The following CSMD1 variants were observed in gnomAD, a reference collection of about 807,000 sequenced individuals.
CSMD1 encodes the protein CUB and Sushi multiple domains 1, also known as CUB and sushi domain-containing protein 1.
CSMD1 carries 213 observed loss-of-function variants against 417.5 expected under a neutral mutation model. The ratio of observed to expected loss-of-function variants is 0.51; its 90% CI spans 0.46 to 0.57. The LOEUF (loss-of-function observed/expected upper bound fraction) is 0.57, where lower values mean the gene tolerates loss of function less well. Ranked by LOEUF, CSMD1 falls within the 20% of genes least tolerant of loss-of-function variation. The pLI, the probability that CSMD1 is intolerant of heterozygous loss-of-function variation, is 0.00. For synonymous variants in CSMD1, 2,862 were observed against 1,736.8 expected (o/e 1.65, Z -16.11); for missense variants, 6,923 against 4,529.7 (o/e 1.53, Z -15.17).
At chr8:3,266,774 TA>T (rs1198668487) in intron 26 of CSMD1, among the ~76,000 whole-genome samples, 23 of 105,850 alleles carry the variant, frequency 2.2e-4, no homozygotes, top group African/African-American at 6.9e-4. Context: ...GACACTGTCT[TA>T]AAAAAAATCA....
chr8:3,709,700 T>G lies in CSMD1; in HGVS notation c.932-1209A>C, dbSNP rs1279816902. On this transcript the variant is annotated intron_variant, in intron 6 of 69. Coordinates refer to ENST00000635120, the MANE Select transcript of CSMD1 (RefSeq NM_033225.6). ...AGCATGTTTTTTTTTTTTTTTTTTTTTTTTTTTTTCCCTGCTTTCTGCTTT... is the reference window on the plus strand; with the variant it reads ...AGCATGTTTTTTTTTTTTTTTTTTTGTTTTTTTTTCCCTGCTTTCTGCTTT... 1.2e-3 allele frequency among the ~76,000 whole-genome samples: 163 copies of G among 135,472 alleles called. 12 individuals are homozygous for G. Among genetic ancestry groups the G allele is most frequent in the African/African-American group, 4.3e-3 (156 of 36,410 alleles). The allele number at this position is 135,472 out of a possible 152,430, so 88.9% of individuals were successfully genotyped here. A position where few individuals can be genotyped will look rare whatever the true frequency, so the allele number is the denominator to read the frequency against.
At chr8:4,186,959 G>A (rs1173557109) in intron 3 of CSMD1, among the ~76,000 whole-genome samples, 1 of 152,114 alleles carries the variant, frequency 6.6e-6, no homozygotes, top group Non-Finnish European at 1.5e-5. Context: ...TCTAGCCTGG[G>A]TGACACAGCA....
intron 11 of CSMD1, among the ~76,000 whole-genome samples, chr8:3,473,580 C>T (rs544887790): frequency 6.6e-6 from 1 of 152,244 alleles, no homozygotes; most frequent in East Asian, 1.9e-4. Context: ...CCCTTTGCAA[C>T]TGGTTATCTG....
intron 2 of CSMD1, among the ~76,000 whole-genome samples, chr8:4,556,709 A>G (rs539285925): frequency 9.8e-5 from 15 of 152,354 alleles, no homozygotes; most frequent in Admixed American, 3.9e-4. Context: ...GCGGAAACAC[A>G]TTGCCACAAA....
intron 26 of CSMD1, among the ~76,000 whole-genome samples, chr8:3,253,820 C>G (rs958435223): frequency 6.6e-6 from 1 of 152,158 alleles, no homozygotes; most frequent in Non-Finnish European, 1.5e-5. Flanking sequence ...GGTCTTGACT[C>G]TTTATCCAAT....
chr8:2,954,922 G>A (rs74352231), intron 64 of CSMD1, among the ~76,000 whole-genome samples: 3,561 of 152,262 alleles, frequency 0.023, 158 homozygotes, highest in African/African-American at 0.08. Flanking sequence ...GTCACTGACT[G>A]TCTCACACGC....
chr8:4,752,105 C>T (rs1325148989), intron 1 of CSMD1, among the ~76,000 whole-genome samples: 1 of 151,886 alleles, frequency 6.6e-6, no homozygotes, highest in African/African-American at 2.4e-5. Flanking sequence ...ACATGTATCA[C>T]ATATATATAT....
At chr8:3,612,269 T>C (rs1463060849) in intron 8 of CSMD1, among the ~76,000 whole-genome samples, 1 of 152,124 alleles carries the variant, frequency 6.6e-6, no homozygotes, top group Non-Finnish European at 1.5e-5. Context: ...ATTTTAAACA[T>C]TTGCGTACCT....
Position 3,348,038 on chromosome 8 carries a change from T to C in CSMD1, c.3428A>G (p.His1143Arg). Reference sequence around the variant, plus strand: ...CAGCTGGAAGCTTCGTGTTCTAAGGTGGATGCCCTTGCCGGCTTCTGTTTC... The same window carrying C: ...CAGCTGGAAGCTTCGTGTTCTAAGGCGGATGCCCTTGCCGGCTTCTGTTTC... ...KIETEAGKGI[H>R]LRTRSFQLFE... Residue 1143 changes from histidine (H) to arginine (R), a missense_variant, in exon 22 of 70, where the codon CAC (histidine) becomes CGC (arginine). Transcript: ENST00000635120. 2 of 1,609,968 alleles carry C rather than the reference T, an allele frequency of 1.2e-6. No homozygotes were observed.
intron 3 of CSMD1, among the ~76,000 whole-genome samples, chr8:4,191,973 G>A (rs1381963525): frequency 6.6e-6 from 1 of 152,150 alleles, no homozygotes; most frequent in Non-Finnish European, 1.5e-5. Context: ...CACCCGTAGA[G>A]GAACACGTCC....
At position 4,841,930 on chromosome 8, in the gene CSMD1, A is replaced by AAAACAAAACAAAAC. The variant is rs1800864566; in HGVS notation, c.85+152401_85+152402insGTTTTGTTTTGTTT. Among the ~76,000 whole-genome samples, 21 of 122,426 alleles carry AAAACAAAACAAAAC rather than the reference A, an allele frequency of 1.7e-4. 1 individual carries two copies. Among genetic ancestry groups the AAAACAAAACAAAAC allele is most frequent in the African/African-American group, 7.0e-4 (21 of 29,956 alleles). The allele number at this position is 122,426 out of a possible 152,430, so 80.3% of individuals were successfully genotyped here. On this transcript the variant is annotated intron_variant, in intron 1 of 69. Coordinates refer to ENST00000635120, the MANE Select transcript of CSMD1 (RefSeq NM_033225.6). ...CCGTCTCAAAAAAAAAAAAAAAAAA[A>AAAACAAAACAAAAC]AAAAAAAAGTTCAGAACAATGGATA...
At chr8:3,503,333 G>T (rs1796686331) in intron 10 of CSMD1, among the ~76,000 whole-genome samples, 1 of 152,196 alleles carries the variant, frequency 6.6e-6, no homozygotes, top group Non-Finnish European at 1.5e-5. Flanking sequence ...TGAAGAAGAG[G>T]ATTCACACAT....
At chr8:4,035,536 G>A (rs1297930179) in intron 3 of CSMD1, among the ~76,000 whole-genome samples, 2 of 152,170 alleles carry the variant, frequency 1.3e-5, no homozygotes, top group Non-Finnish European at 2.9e-5. Flanking sequence ...AAGACGTCAA[G>A]GTGGAAGAGA....
At chr8:4,081,166 G>T (rs956080140) in intron 3 of CSMD1, among the ~76,000 whole-genome samples, 4 of 152,104 alleles carry the variant, frequency 2.6e-5, no homozygotes, top group Admixed American at 6.5e-5. Flanking sequence ...CCAGCATTGT[G>T]ATAAATAAAC....
At chr8:3,560,883 T>A (rs912167849) in intron 10 of CSMD1, among the ~76,000 whole-genome samples, 2 of 152,210 alleles carry the variant, frequency 1.3e-5, no homozygotes, top group Admixed American at 1.3e-4. Flanking sequence ...CATTTACTGA[T>A]TGATTCTTCC....
chr8:3,836,540 A>T (rs1802716952), intron 5 of CSMD1, among the ~76,000 whole-genome samples: 1 of 152,154 alleles, frequency 6.6e-6, no homozygotes, highest in Admixed American at 6.6e-5. Flanking sequence ...AAGAACTAGG[A>T]TGGAGTGAGT....
intron 6 of CSMD1, among the ~76,000 whole-genome samples, chr8:3,736,812 C>T (rs779865866): frequency 1.2e-4 from 18 of 152,120 alleles, no homozygotes; most frequent in Non-Finnish European, 1.0e-4. Flanking sequence ...ATAAATAGGC[C>T]CTGTTTTGTG....
At chr8:4,428,838 C>G (rs192764222) in intron 2 of CSMD1, among the ~76,000 whole-genome samples, 5 of 152,162 alleles carry the variant, frequency 3.3e-5, no homozygotes, top group East Asian at 1.9e-4. Flanking sequence ...CCTGCCTCAG[C>G]CTCCTGAGTA....
At position 3,251,162 on chromosome 8, in the gene CSMD1, G is replaced by A. The variant is rs937827569; in HGVS notation, c.4154-20931C>T. 4.6e-3 allele frequency among the ~76,000 whole-genome samples: 694 copies of A among 152,224 alleles called. 12 individuals carry two copies. The highest frequency in any genetic ancestry group is 0.016 in the African/African-American group (671 of 41,538). Reference sequence around the variant, plus strand: ...CCGTGCCTATGTCCTGAATGGTATTGCCTAGGTTTTCTTCTAGGGTTTTTA... The same window carrying A: ...CCGTGCCTATGTCCTGAATGGTATTACCTAGGTTTTCTTCTAGGGTTTTTA... On this transcript the variant is annotated intron_variant, in intron 26 of 69. Coordinates refer to ENST00000635120, the MANE Select transcript of CSMD1 (RefSeq NM_033225.6).
Sources: allele counts gnomAD v4.1 joint callset (sites outside exome capture counted in the v4.1 genomes callset), GRCh38; gene constraint gnomAD v4.1.1; transcripts MANE v1.5; gene names NCBI Gene and HGNC (gene_info 2026-07-23, HGNC 2026-07-21).